The following C11orf65 variants were observed in gnomAD, a reference collection of about 807,000 sequenced individuals.
The protein encoded by C11orf65 is protein MFI.
C11orf65 carries 38 observed loss-of-function variants against 35.3 expected under a neutral mutation model. The ratio of observed to expected loss-of-function variants is 1.08; its 90% CI spans 0.83 to 1.41. The LOEUF (loss-of-function observed/expected upper bound fraction) is 1.41, where lower values mean the gene tolerates loss of function less well. Among genes scored for constraint, C11orf65 ranks in the 40% most tolerant of loss-of-function variants. C11orf65 has a pLI of 0.00. For missense variants in C11orf65, 370 were observed against 367.1 expected, an observed-to-expected ratio of 1.01 and a Z score of -0.06; for synonymous variants, 105 against 114.4, an observed-to-expected ratio of 0.92 and a Z score of 0.53.
At chr11:108,331,852 A>G (rs371525111) in intron 3 of C11orf65, 4 of 1,609,964 alleles carry the variant, frequency 2.5e-6, no homozygotes, top group Non-Finnish European at 3.4e-6. Context: ...GTTTATTTGC[A>G]TAAATCTAAT....
chr11:108,385,486 T>A (rs755729503), intron 8 of C11orf65, among the ~76,000 whole-genome samples: 8 of 152,030 alleles, frequency 5.3e-5, no homozygotes, highest in Non-Finnish European at 7.4e-5. Context: ...ATCAAGACCA[T>A]CCCGGCTAAC....
intron 3 of C11orf65, among the ~76,000 whole-genome samples, chr11:108,419,699 C>A (rs1263770515): frequency 2.0e-5 from 3 of 152,066 alleles, no homozygotes; most frequent in African/African-American, 7.3e-5. Flanking sequence ...GAGACCTGGC[C>A]TCTAAAAATA....
chr11:108,453,945 T>C (rs2093382500), intron 2 of C11orf65, among the ~76,000 whole-genome samples: 1 of 152,210 alleles, frequency 6.6e-6, no homozygotes, highest in Admixed American at 6.5e-5. Flanking sequence ...TCCTCTTTAA[T>C]TTTTTGAAAG....
intron 2 of C11orf65, among the ~76,000 whole-genome samples, chr11:108,448,428 T>A (rs563211042): frequency 6.6e-6 from 1 of 152,328 alleles, no homozygotes; most frequent in Admixed American, 6.5e-5. Context: ...TCAAAAAGCT[T>A]ATCCACCATG....
At chr11:108,366,151 ATT>A in intron 2 of C11orf65, 1 of 193,654 alleles carries the variant, frequency 5.2e-6, no homozygotes, top group African/African-American at 2.3e-5. Context: ...TGTAGTTACT[ATT>A]TTTTTAAGTG....
chr11:108,310,183 A>G lies in C11orf65; in HGVS notation c.641-1112T>C, dbSNP rs756661278. The G allele has an allele frequency of 2.5e-6, 4 of 1,613,422 alleles. No individual in the cohort carries two copies. The highest frequency in any genetic ancestry group is 1.7e-6 in the Non-Finnish European group (2 of 1,179,722). On this transcript the variant is annotated intron_variant, in intron 6 of 6. Transcript: ENST00000525729. ...AGACCTTCTTCAGGAACAATTTTTA[A>G]TGATGCTTTCTGGCTGGATTTAAAT... is the stretch of plus-strand genomic sequence containing the variant.
chr11:108,418,198 A>G (rs1193880323), intron 3 of C11orf65, among the ~76,000 whole-genome samples: 1 of 152,224 alleles, frequency 6.6e-6, no homozygotes, highest in East Asian at 1.9e-4. Flanking sequence ...TAGTATAACT[A>G]GACAAAAATA....
At position 108,403,409 on chromosome 11, in the gene C11orf65, G is replaced by GTTTTTTTTTTTTTTTTT. The variant is rs71047691; in HGVS notation, c.560+2019_560+2020insAAAAAAAAAAAAAAAAA. Among the ~76,000 whole-genome samples, 140 of 67,274 alleles carry GTTTTTTTTTTTTTTTTT rather than the reference G, an allele frequency of 2.1e-3. 3 individuals are homozygous for GTTTTTTTTTTTTTTTTT. The highest frequency in any genetic ancestry group is 2.5e-3 in the African/African-American group (40 of 16,200). The allele number at this position is 67,274 out of a possible 152,430, so 44.1% of individuals were successfully genotyped here. A position where few individuals can be genotyped will look rare whatever the true frequency, so the allele number is the denominator to read the frequency against. ...ACTTTAAAATGTGATTGTTTGAGAG[G>GTTTTTTTTTTTTTTTTT]TTTTTTTTTTGTTTTTTTTTTTTTT... is the stretch of plus-strand genomic sequence containing the variant. On this transcript the variant is annotated intron_variant, in intron 6 of 8. Transcript: ENST00000393084.
At chr11:108,330,913 A>C (rs1039947870), downstream of C11orf65, among the ~76,000 whole-genome samples, 18 of 152,212 alleles carry the variant, frequency 1.2e-4, no homozygotes, top group African/African-American at 4.1e-4. Flanking sequence ...TGAAAACCTT[A>C]GATTATAGTG....
At chr11:108,378,859 CA>C (rs1419186539), downstream of C11orf65, among the ~76,000 whole-genome samples, 369 of 150,530 alleles carry the variant, frequency 2.5e-3, 2 homozygotes, top group African/African-American at 8.7e-3. Context: ...TTTATGCAGC[CA>C]AAAAACACAT....
At chr11:108,328,776 C>A (rs1457671828), downstream of C11orf65, among the ~76,000 whole-genome samples, 2 of 152,110 alleles carry the variant, frequency 1.3e-5, no homozygotes, top group Non-Finnish European at 2.9e-5. Flanking sequence ...TAAAAAAAAT[C>A]ACAAAAGAAA....
At chr11:108,369,561 T>C (rs773669192) in intron 2 of C11orf65, among the ~76,000 whole-genome samples, 31 of 152,218 alleles carry the variant, frequency 2.0e-4, no homozygotes, top group Admixed American at 9.2e-4. Flanking sequence ...TGCATAAATA[T>C]AGTGGAGTCA....
chr11:108,417,309 G>A (rs530022486), intron 3 of C11orf65, among the ~76,000 whole-genome samples: 4 of 152,230 alleles, frequency 2.6e-5, no homozygotes, highest in South Asian at 4.1e-4. Context: ...TTGGGAGGCC[G>A]AGGCAGGAGG....
chr11:108,333,678 G>A (rs2086521150), intron 3 of C11orf65, among the ~76,000 whole-genome samples: 1 of 152,190 alleles, frequency 6.6e-6, no homozygotes, highest in Admixed American at 6.5e-5. Flanking sequence ...CAGGTAACCT[G>A]CAAATTTACT....
At chr11:108,388,824 A>C (rs2092077909) in intron 7 of C11orf65, among the ~76,000 whole-genome samples, 1 of 152,228 alleles carries the variant, frequency 6.6e-6, no homozygotes, top group Admixed American at 6.5e-5. Flanking sequence ...CTGGGTTCTA[A>C]ACAGCTGCAG....
At chr11:108,349,368 T>A (rs544058562) in intron 2 of C11orf65, among the ~76,000 whole-genome samples, 1 of 151,242 alleles carries the variant, frequency 6.6e-6, no homozygotes, top group Admixed American at 6.6e-5. Context: ...ATGTGTAGAT[T>A]AAGAATGTGG....
At chr11:108,444,879 C>T (rs149934734) in intron 2 of C11orf65, among the ~76,000 whole-genome samples, 2,442 of 152,256 alleles carry the variant, frequency 0.016, 29 homozygotes, top group Non-Finnish European at 0.026. Context: ...ACAGATGGCA[C>T]CTGGAAAATC....
At chr11:108,398,908 G>T (rs1250143701) in intron 6 of C11orf65, among the ~76,000 whole-genome samples, 1 of 152,192 alleles carries the variant, frequency 6.6e-6, no homozygotes, top group Non-Finnish European at 1.5e-5. Flanking sequence ...TCACTGTGAG[G>T]ACAAATGGAT....
intron 3 of C11orf65, among the ~76,000 whole-genome samples, chr11:108,425,580 T>C (rs1373537136): frequency 6.6e-6 from 1 of 152,192 alleles, no homozygotes; most frequent in East Asian, 1.9e-4. Flanking sequence ...AAAGAGGAGC[T>C]GGTACCATTC....
Sources: allele counts gnomAD v4.1 joint callset (sites outside exome capture counted in the v4.1 genomes callset), GRCh38; gene constraint gnomAD v4.1.1; transcripts MANE v1.5; gene names NCBI Gene and HGNC (gene_info 2026-07-23, HGNC 2026-07-21).